The following ZNF18 variants were observed in gnomAD, a reference collection of about 807,000 sequenced individuals.
ZNF18 encodes heart development-specific gene 1 protein.
In ZNF18, 42 loss-of-function variants were observed where a neutral mutation model predicts 58.1. The observed-to-expected ratio is 0.72, with a 90% CI of 0.56 to 0.93. ZNF18 has a LOEUF of 0.93. Ranked by LOEUF, ZNF18 falls within the 40% of genes least tolerant of loss-of-function variation. The pLI is 0.00. For missense variants in ZNF18, 540 were observed against 644.2 expected (o/e 0.84, Z 1.75); for synonymous variants, 231 against 239.8 (o/e 0.96, Z 0.34).
chr17:11,987,458 A>G (rs538299519), intron 4 of ZNF18, among the ~76,000 whole-genome samples: 25 of 152,322 alleles, frequency 1.6e-4, no homozygotes, highest in African/African-American at 5.3e-4. Context: ...TCTGATGCAA[A>G]TAATTGCTGT....
chr17:11,982,700 A>T (rs984307279), intron 6 of ZNF18, among the ~76,000 whole-genome samples: 4 of 70,668 alleles, frequency 5.7e-5, no homozygotes, highest in Admixed American at 1.8e-4. Flanking sequence ...GTGTGTGTGT[A>T]GGTTTCGCAA....
the ZNF18 span, among the ~76,000 whole-genome samples, chr17:12,020,376 G>A: frequency 6.6e-6 from 1 of 152,156 alleles, no homozygotes; most frequent in Admixed American, 6.5e-5. Flanking sequence ...GTAGAGGGTT[G>A]GGGTATTGGG....
the ZNF18 span, among the ~76,000 whole-genome samples, chr17:12,003,439 C>CAAA: frequency 2.3e-4 from 17 of 72,476 alleles, no homozygotes; most frequent in Admixed American, 1.6e-3. Context: ...GACTCTGTCT[C>CAAA]AAAAAAAAAA....
the ZNF18 span, chr17:12,020,682 G>A: frequency 2.8e-6 from 1 of 351,944 alleles, no homozygotes; most frequent in Admixed American, 4.7e-5. Flanking sequence ...TTCACAGGTC[G>A]CGCACCCAGA....
chr17:12,006,614 G>A, the ZNF18 span, among the ~76,000 whole-genome samples: 2 of 152,142 alleles, frequency 1.3e-5, no homozygotes, highest in Non-Finnish European at 2.9e-5. Flanking sequence ...ACCAGGGCAT[G>A]GTGGTGCACA....
rs147644785 is a variant in ZNF18, at chr17:11,978,160, C to T, written c.1447G>A (p.Glu483Lys). The T allele has an allele frequency of 2.7e-5, 43 of 1,613,886 alleles. No individual in the cohort carries two copies. The highest frequency in any genetic ancestry group is 2.8e-5 in the Non-Finnish European group (33 of 1,179,986). The part of the protein sequence containing the change: ...FSDFSGLRHH[E>K]KIHTGEKPYK... ...GGTTTCTCTCCTGTGTGGATTTTCT[C>T]GTGGTGGCGCAATCCTGAGAAGTCA... is the stretch of plus-strand genomic sequence containing the variant. The change falls in exon 7 of 7, where the codon GAG (glutamate) becomes AAG (lysine). Residue 483 changes from glutamate (E) to lysine (K), a missense_variant. Coordinates refer to ENST00000580306, the MANE Select transcript of ZNF18 (RefSeq NM_001303281.2).
At chr17:12,001,337 T>C (rs1968651759), upstream of ZNF18, among the ~76,000 whole-genome samples, 1 of 152,142 alleles carries the variant, frequency 6.6e-6, no homozygotes, top group African/African-American at 2.4e-5. Flanking sequence ...TTAATAATAA[T>C]GCATACCTCG....
rs762315625 is a variant in ZNF18 at position 11,991,015 on chromosome 17, C to T, written c.536G>A (p.Ser179Asn). The T allele has an allele frequency of 1.2e-6, 2 of 1,614,150 alleles. No individual in the cohort carries two copies. The highest frequency in any genetic ancestry group is 1.1e-5 in the South Asian group (1 of 91,086). Residue 179 changes from serine to asparagine, a missense_variant, in exon 3 of 7, where the codon AGC (serine) becomes AAC (asparagine). Physicochemically the swap from Ser to Asn is conservative, Grantham distance 46. Transcript: ENST00000580306. ...NSSSGPGELL[S>N]HIVKEESDTE... ...GTCAGATTCCTCTTTCACGATGTGG[C>T]TCAGAAGCTCCCCAGGCCCTGAGGA... is the stretch of plus-strand genomic sequence containing the variant.
At chr17:12,003,296 A>C in the ZNF18 span, among the ~76,000 whole-genome samples, 4 of 152,084 alleles carry the variant, frequency 2.6e-5, no homozygotes, top group Non-Finnish European at 5.9e-5. Context: ...AAAATAAGCC[A>C]GGCATGGTGG....
At chr17:11,992,228 A>G (rs1968171823) in intron 2 of ZNF18, among the ~76,000 whole-genome samples, 1 of 152,184 alleles carries the variant, frequency 6.6e-6, no homozygotes, top group South Asian at 2.1e-4. Flanking sequence ...TGAGAACAGG[A>G]GCAGTCTTGG....
intron 4 of ZNF18, among the ~76,000 whole-genome samples, chr17:11,989,737 C>G (rs1967976993): frequency 6.6e-6 from 1 of 151,604 alleles, no homozygotes; most frequent in African/African-American, 2.4e-5. Context: ...AACAGCAGAT[C>G]AGATACTATA....
intron 6 of ZNF18, among the ~76,000 whole-genome samples, 188 bp downstream of exon 6, chr17:11,983,109 C>A (rs1038504913): frequency 6.6e-6 from 1 of 152,174 alleles, no homozygotes. Context: ...TATGTGTCAA[C>A]AGCCCTATAG....
the ZNF18 span, among the ~76,000 whole-genome samples, chr17:12,013,560 C>G: frequency 3.9e-5 from 6 of 152,114 alleles, no homozygotes; most frequent in Admixed American, 3.9e-4. Context: ...GAGATCTCAC[C>G]TTTAATTATA....
chr17:12,020,647 G>C, the ZNF18 span, among the ~76,000 whole-genome samples: 6 of 152,102 alleles, frequency 3.9e-5, no homozygotes, highest in Admixed American at 1.3e-4. Flanking sequence ...CGGGCCCGCA[G>C]CCCTGGTCCA....
Position 11,983,362 on chromosome 17 carries a change from A to G in ZNF18, c.797T>C (p.Phe266Ser). The G allele has an allele frequency of 6.2e-7, 1 of 1,614,040 alleles. No homozygotes were observed. The highest frequency in any genetic ancestry group is 8.5e-7 in the Non-Finnish European group (1 of 1,179,956). Residue 266 changes from phenylalanine (F) to serine (S), a missense_variant, in exon 6 of 7, where the codon TTT becomes TCT. Physicochemically the swap from Phe to Ser is radical, Grantham distance 155 (BLOSUM62 -2). Transcript: ENST00000580306. ...GTATATTCCTGCCAGCTCTTCCCCA[A>G]ATTCTATTGAATTAGTCAGGTCAGA... ...PKSDLTNSIEFGEELAGIYLH... is the reference protein window; with the variant it reads ...PKSDLTNSIESGEELAGIYLH...
chr17:12,001,611 A>G (rs1278438160), upstream of ZNF18, among the ~76,000 whole-genome samples: 1 of 152,122 alleles, frequency 6.6e-6, no homozygotes, highest in Non-Finnish European at 1.5e-5. Context: ...CCTGGGGGAC[A>G]CAGAGAGACT....
chr17:11,981,952 G>A (rs1967387440), intron 6 of ZNF18, among the ~76,000 whole-genome samples: 1 of 152,042 alleles, frequency 6.6e-6, no homozygotes. Flanking sequence ...TGGGGCCTTA[G>A]GGAGGGATTA....
chr17:12,010,277 A>T, the ZNF18 span, among the ~76,000 whole-genome samples: 9 of 152,348 alleles, frequency 5.9e-5, no homozygotes, highest in Non-Finnish European at 1.0e-4. Context: ...GTTGAATCTG[A>T]GCCAAGAATA....
chr17:11,998,822 C>CTTT (rs71142260), upstream of ZNF18, among the ~76,000 whole-genome samples: 10 of 108,518 alleles, frequency 9.2e-5, no homozygotes, highest in East Asian at 2.7e-4. Flanking sequence ...AGTTTCTAGT[C>CTTT]TTTTTTTTTT....
Sources: allele counts gnomAD v4.1 joint callset (sites outside exome capture counted in the v4.1 genomes callset), GRCh38; gene constraint gnomAD v4.1.1; transcripts MANE v1.5; gene names NCBI Gene and HGNC (gene_info 2026-07-23, HGNC 2026-07-21).